Variants in LUZP2 observed in about 807,000 individuals in gnomAD.
LUZP2 encodes the protein leucine zipper protein 2.
A neutral mutation model predicts 51.6 loss-of-function variants in LUZP2; 52 were observed. The observed-to-expected ratio is 1.01, with a 90% CI of 0.81 to 1.27. The LOEUF is 1.27. Ranked by LOEUF, LUZP2 falls within the 50% of genes most tolerant of loss-of-function variation. LUZP2 has a pLI of 0.00. For synonymous variants in LUZP2, 154 were observed against 137.3 expected (o/e 1.12, Z -0.85); for missense variants, 436 against 395.4 (o/e 1.10, Z -0.87).
At chr11:24,854,834 C>A (rs1425103160) in intron 5 of LUZP2, among the ~76,000 whole-genome samples, 2 of 152,176 alleles carry the variant, frequency 1.3e-5, no homozygotes, top group African/African-American at 4.8e-5. Flanking sequence ...GGCTGGAATG[C>A]ACTGTTCCTC....
chr11:24,671,461 T>G (rs1169116127), intron 1 of LUZP2, among the ~76,000 whole-genome samples: 1 of 152,080 alleles, frequency 6.6e-6, no homozygotes, highest in Non-Finnish European at 1.5e-5. Flanking sequence ...ATAGTTGTTA[T>G]TCAAACAGCT....
intron 5 of LUZP2, among the ~76,000 whole-genome samples, chr11:24,878,149 C>T (rs1426112694): frequency 7.3e-6 from 1 of 136,100 alleles, no homozygotes; most frequent in Non-Finnish European, 1.6e-5. Flanking sequence ...AAGTTTTGTA[C>T]CTTCAGGTAA....
intron 1 of LUZP2, among the ~76,000 whole-genome samples, chr11:24,717,867 T>G (rs888811909): frequency 1.1e-4 from 1 of 9,398 alleles, no homozygotes; most frequent in African/African-American, 3.3e-4. Flanking sequence ...TTTCTGTTCC[T>G]GTGTTAGTTT....
At chr11:24,940,590 CA>C (rs1301884780) in intron 7 of LUZP2, among the ~76,000 whole-genome samples, 2 of 152,106 alleles carry the variant, frequency 1.3e-5, no homozygotes, top group East Asian at 3.8e-4. Context: ...GTTATACAGT[CA>C]TTTTGCAAAT....
intron 5 of LUZP2, among the ~76,000 whole-genome samples, chr11:24,834,847 C>G (rs4506649): frequency 2.1e-4 from 32 of 152,090 alleles, no homozygotes; most frequent in Admixed American, 5.9e-4. Context: ...TGACCAGTGA[C>G]GATGAACTTT....
rs2133917293 is a variant in LUZP2 at position 24,984,677 on chromosome 11, T to C, written c.765+1384T>C. Among the ~76,000 whole-genome samples, 3 of 151,156 alleles carry C rather than the reference T, an allele frequency of 2.0e-5. No homozygotes were observed. The South Asian group carries it at 6.3e-4, about 32-fold the overall frequency. Reference sequence around the variant, plus strand: ...CCATTTAAATTTATTGTTTTTATTATGGTGCATACCTGTTACATTCACTGT... The same window carrying C: ...CCATTTAAATTTATTGTTTTTATTACGGTGCATACCTGTTACATTCACTGT... On this transcript the variant is annotated intron_variant, in intron 9 of 11. Coordinates refer to ENST00000336930, the MANE Select transcript of LUZP2 (RefSeq NM_001009909.4).
At chr11:24,674,526 T>C (rs1327035063) in intron 1 of LUZP2, among the ~76,000 whole-genome samples, 1 of 152,186 alleles carries the variant, frequency 6.6e-6, no homozygotes, top group East Asian at 1.9e-4. Flanking sequence ...GAAGTCATGG[T>C]GATTGCTATG....
chr11:24,971,919 C>G (rs1855748230), intron 7 of LUZP2, among the ~76,000 whole-genome samples: 1 of 151,942 alleles, frequency 6.6e-6, no homozygotes, highest in Non-Finnish European at 1.5e-5. Context: ...GCAGGCAGAT[C>G]ATCTGAGGTC....
At chr11:24,668,585 T>C (rs751195227) in intron 1 of LUZP2, among the ~76,000 whole-genome samples, 4 of 152,176 alleles carry the variant, frequency 2.6e-5, no homozygotes, top group African/African-American at 7.2e-5. Context: ...GAATGAATCA[T>C]TGTGGCCAAA....
chr11:24,804,135 C>T (rs954586680), intron 5 of LUZP2, among the ~76,000 whole-genome samples: 2 of 152,036 alleles, frequency 1.3e-5, no homozygotes, highest in Non-Finnish European at 2.9e-5. Context: ...AATTTTCACA[C>T]TAATTTATCT....
chr11:24,667,016 A>G (rs1169693024), intron 1 of LUZP2, among the ~76,000 whole-genome samples: 1 of 152,112 alleles, frequency 6.6e-6, no homozygotes, highest in East Asian at 1.9e-4. Flanking sequence ...TTTTCATGTG[A>G]AATAGTTTGT....
intron 5 of LUZP2, among the ~76,000 whole-genome samples, chr11:24,800,576 A>C (rs148601961): frequency 6.6e-6 from 1 of 152,098 alleles, no homozygotes; most frequent in African/African-American, 2.4e-5. Context: ...AAAAAACCCA[A>C]AAAACTCAGG....
At chr11:24,520,972 C>A (rs372084402) in intron 1 of LUZP2, among the ~76,000 whole-genome samples, 1 of 152,142 alleles carries the variant, frequency 6.6e-6, no homozygotes, top group African/African-American at 2.4e-5. Flanking sequence ...TAGGACAATG[C>A]GTGTTTTTAG....
intron 1 of LUZP2, among the ~76,000 whole-genome samples, chr11:24,646,298 T>C (rs991368065): frequency 1.3e-5 from 2 of 152,120 alleles, no homozygotes; most frequent in African/African-American, 4.8e-5. Flanking sequence ...TACAAATGCT[T>C]ATAACAGTTT....
chr11:24,606,587 A>G (rs1164668148), intron 1 of LUZP2, among the ~76,000 whole-genome samples: 2 of 152,014 alleles, frequency 1.3e-5, no homozygotes, highest in East Asian at 3.9e-4. Flanking sequence ...CTATTAGAAT[A>G]GTGCTGCAGT....
chr11:24,700,056 C>CTTTTT (rs762849302), intron 1 of LUZP2, among the ~76,000 whole-genome samples: 44 of 95,968 alleles, frequency 4.6e-4, no homozygotes, highest in East Asian at 5.6e-4. Flanking sequence ...TTTTCCTCAA[C>CTTTTT]TTTTTTTTTT....
At position 24,688,096 on chromosome 11, in the gene LUZP2, C is replaced by A. The variant is rs1263058099; in HGVS notation, c.63-41073C>A. ...GTCACTGGTCAAGGTCAGGTATATT[C>A]TCTTTTTCAGGGAGTTAAGTTTATA... On this transcript the variant is annotated intron_variant, in intron 1 of 11. Coordinates refer to ENST00000336930, the MANE Select transcript of LUZP2 (RefSeq NM_001009909.4). 4.6e-5 allele frequency among the ~76,000 whole-genome samples: 7 copies of A among 152,176 alleles called. No individual in the cohort carries two copies. The South Asian group carries it at 1.2e-3, about 27-fold the overall frequency.
At chr11:24,520,173 G>T (rs557784075) in intron 1 of LUZP2, among the ~76,000 whole-genome samples, 1 of 152,096 alleles carries the variant, frequency 6.6e-6, no homozygotes, top group Admixed American at 6.6e-5. Flanking sequence ...GGGGAAATCA[G>T]GTAGAAAGAC....
rs1047103551 is a variant in LUZP2, at chr11:24,976,803, G to A, written c.597+138G>A. 13 of 503,138 alleles carry A rather than the reference G, an allele frequency of 2.6e-5. No homozygotes were observed. In the South Asian group the frequency reaches 5.7e-4, roughly 22 times the overall value. The allele number at this position is 503,138 out of a possible 1,614,324, so 31.2% of individuals were successfully genotyped here. ...ATGCTGTGTATATAAGATAGTTACA[G>A]AATTCAGGAAGGTTTGATATCTTCT... is the stretch of plus-strand genomic sequence containing the variant. On this transcript the variant is annotated intron_variant, in intron 8 of 11. Transcript: ENST00000336930.
Sources: allele counts gnomAD v4.1 joint callset (sites outside exome capture counted in the v4.1 genomes callset), GRCh38; gene constraint gnomAD v4.1.1; transcripts MANE v1.5; gene names NCBI Gene and HGNC (gene_info 2026-07-23, HGNC 2026-07-21).